The following CERT1 variants were observed in gnomAD, a reference collection of about 807,000 sequenced individuals.
The protein encoded by CERT1 is ceramide transfer protein.
In CERT1, 31 loss-of-function variants were observed where a neutral mutation model predicts 87.9. The ratio of observed to expected loss-of-function variants is 0.35; its 90% CI spans 0.27 to 0.48. The LOEUF (loss-of-function observed/expected upper bound fraction) is 0.48, where lower values mean the gene tolerates loss of function less well. Among genes scored for constraint, CERT1 ranks in the 20% least tolerant of loss-of-function variants. The probability of loss-of-function intolerance (pLI) is 0.99; values close to 1 mark genes in which losing one functional copy is unlikely to be tolerated. For missense variants in CERT1, 487 were observed against 758.0 expected (o/e 0.64, Z 4.20); for synonymous variants, 289 against 250.9 (o/e 1.15, Z -1.44).
intron 2 of CERT1, among the ~76,000 whole-genome samples, chr5:75,474,028 C>T (rs971825252): frequency 2.0e-5 from 3 of 152,142 alleles, no homozygotes; most frequent in Non-Finnish European, 1.5e-5. Context: ...ACAGGCAGCC[C>T]GGCACCAGGC....
chr5:75,415,143 T>C (rs2112143358), intron 7 of CERT1, among the ~76,000 whole-genome samples: 1 of 152,328 alleles, frequency 6.6e-6, no homozygotes, highest in Middle Eastern at 3.4e-3. Context: ...TGTATATATA[T>C]ATGAACACAC....
At chr5:75,471,857 A>T (rs1434874945) in intron 2 of CERT1, among the ~76,000 whole-genome samples, 1 of 152,114 alleles carries the variant, frequency 6.6e-6, no homozygotes, top group Non-Finnish European at 1.5e-5. Context: ...ACCCAAAGCA[A>T]TCTACAGATT....
chr5:75,438,039 C>A (rs912203673), intron 3 of CERT1, among the ~76,000 whole-genome samples: 15 of 151,852 alleles, frequency 9.9e-5, no homozygotes, highest in Admixed American at 6.6e-4. Flanking sequence ...ATATTGAGAG[C>A]AATTTATTAC....
intron 3 of CERT1, among the ~76,000 whole-genome samples, chr5:75,446,322 T>C (rs1764533556): frequency 6.6e-6 from 1 of 152,216 alleles, no homozygotes; most frequent in Non-Finnish European, 1.5e-5. Flanking sequence ...CTAGAGTTTC[T>C]AGCTCCATAA....
chr5:75,463,711 T>C lies in CERT1; in HGVS notation c.232-4530A>G, dbSNP rs114325855. 6.4e-3 allele frequency among the ~76,000 whole-genome samples: 979 copies of C among 152,316 alleles called. 11 individuals are homozygous for C. The highest frequency in any genetic ancestry group is 0.022 in the African/African-American group (930 of 41,568). On this transcript the variant is annotated intron_variant, in intron 2 of 16. Coordinates refer to ENST00000643780, the MANE Select transcript of CERT1 (RefSeq NM_001379029.1). ...AAGCCAATCACTGAGACAATGATTATTGCCAGGGAAGAAGGCTTTATAGGG... is the reference window on the plus strand; with the variant it reads ...AAGCCAATCACTGAGACAATGATTACTGCCAGGGAAGAAGGCTTTATAGGG...
intron 2 of CERT1, among the ~76,000 whole-genome samples, chr5:75,475,818 T>C (rs182431386): frequency 6.6e-6 from 1 of 152,172 alleles, no homozygotes; most frequent in East Asian, 1.9e-4. Context: ...TATAAACTTT[T>C]GTAACCTTAG....
At chr5:75,455,180 G>C (rs952985299) in intron 3 of CERT1, among the ~76,000 whole-genome samples, 1 of 152,170 alleles carries the variant, frequency 6.6e-6, no homozygotes, top group Admixed American at 6.5e-5. Flanking sequence ...ACAATGTCTT[G>C]ACTGCACATT....
chr5:75,511,710 C>G (rs1274710057), upstream of CERT1: 1 of 1,544,792 alleles, frequency 6.5e-7, no homozygotes, highest in Non-Finnish European at 8.7e-7. Flanking sequence ...CCCCTCCCGG[C>G]GTCTGACGCG....
At position 75,426,419 on chromosome 5, in the gene CERT1, C is replaced by T. The variant is rs140876282; in HGVS notation, c.408G>A (p.Leu136=). The change falls in exon 4 of 17, where the codon CTG becomes CTA. Residue 136 remains leucine, a synonymous_variant. Transcript: ENST00000643780. ...CAGAGTAGCCACTTGCTCCAGACAC[C>T]AGGGACACCATTGAGCCATGTCGAC... is the stretch of plus-strand genomic sequence containing the variant. ...SLRRHGSMVS[L]VSGASGYSAT... 6.8e-5 allele frequency: 110 copies of T among 1,613,666 alleles called. 1 individual carries two copies. The African/African-American group carries it at 1.4e-3, about 20-fold the overall frequency.
intron 6 of CERT1, 108 bp from the exon 7 acceptor site, chr5:75,417,141 G>C: frequency 2.3e-6 from 2 of 883,550 alleles, no homozygotes; most frequent in Non-Finnish European, 3.4e-6. Flanking sequence ...CAGGTTTTGG[G>C]ATTTTAATTT....
chr5:75,416,794 G>T, intron 7 of CERT1, 82 bp downstream of exon 7: 1 of 1,233,442 alleles, frequency 8.1e-7, no homozygotes, highest in Non-Finnish European at 1.1e-6. Flanking sequence ...TCTTCCCTAA[G>T]AAGTTAGCTT....
chr5:75,386,022 C>T lies in CERT1; in HGVS notation c.1297G>A (p.Glu433Lys). The change falls in exon 13 of 17, where the codon GAA (glutamate) becomes AAA (lysine). Residue 433 changes from glutamate (E) to lysine (K), a missense_variant. By Grantham distance (56) the Glu-to-Lys change is moderately conservative (BLOSUM62 1). Transcript: ENST00000643780. ...EEGEMKVYRR[E>K]VEENGIVLDP... ...AGAACAATCCCATTTTCTTCTACTT[C>T]TCTTCTGTATACCTAAAGAGAACAT... is the stretch of plus-strand genomic sequence containing the variant. 1 of 1,566,926 alleles carries T rather than the reference C, an allele frequency of 6.4e-7. No individual in the cohort carries two copies. Among genetic ancestry groups the T allele is most frequent in the Non-Finnish European group, 8.6e-7 (1 of 1,158,272 alleles).
chr5:75,405,397 C>T lies in CERT1; in HGVS notation c.931-2339G>A, dbSNP rs148844386. Among the ~76,000 whole-genome samples, 14 of 152,290 alleles carry T rather than the reference C, an allele frequency of 9.2e-5. 1 individual carries two copies. The East Asian group carries it at 2.7e-3, about 29-fold the overall frequency. On this transcript the variant is annotated intron_variant, in intron 8 of 16. Transcript: ENST00000643780. ...CTACCCACAGCATTCTTACTTATAT[C>T]CAACGCTTCAGTCATCCTTTGATGA...
At chr5:75,449,248 T>TAGGATAGGAGAGCAAA (rs1457068943) in intron 3 of CERT1, among the ~76,000 whole-genome samples, 1 of 151,880 alleles carries the variant, frequency 6.6e-6, no homozygotes, top group Non-Finnish European at 1.5e-5. Context: ...AAACTAAGAA[T>TAGGATAGGAGAGCAAA]AGGATAGGAG....
intron 16 of CERT1, among the ~76,000 whole-genome samples, chr5:75,380,197 GAAGT>G (rs1168592464): frequency 1.3e-5 from 2 of 152,154 alleles, no homozygotes; most frequent in Non-Finnish European, 2.9e-5. Context: ...CAAAGCAGGT[GAAGT>G]AAGGACCCAA....
At chr5:75,397,018 C>G (rs1762284396) in intron 11 of CERT1, among the ~76,000 whole-genome samples, 1 of 152,142 alleles carries the variant, frequency 6.6e-6, no homozygotes, top group African/African-American at 2.4e-5. Flanking sequence ...AATCAACTTG[C>G]TAGATCCTTT....
chr5:75,451,986 T>C (rs1307696217), intron 3 of CERT1, among the ~76,000 whole-genome samples: 2 of 152,204 alleles, frequency 1.3e-5, no homozygotes, highest in African/African-American at 4.8e-5. Flanking sequence ...AAAAAACTTT[T>C]TTCACACTTC....
At chr5:75,432,071 A>G (rs1268616653) in intron 3 of CERT1, among the ~76,000 whole-genome samples, 2 of 124,406 alleles carry the variant, frequency 1.6e-5, no homozygotes, top group African/African-American at 6.3e-5. Context: ...TTTTTTTTTG[A>G]GATGAAGACT....
intron 6 of CERT1, 106 bp from the exon 7 acceptor site, chr5:75,417,139 G>T: frequency 1.1e-6 from 1 of 916,086 alleles, no homozygotes; most frequent in Non-Finnish European, 1.6e-6. Flanking sequence ...AGCAGGTTTT[G>T]GGATTTTAAT....
Sources: allele counts gnomAD v4.1 joint callset (sites outside exome capture counted in the v4.1 genomes callset), GRCh38; gene constraint gnomAD v4.1.1; transcripts MANE v1.5; gene names NCBI Gene and HGNC (gene_info 2026-07-23, HGNC 2026-07-21).